Variants in CCDC88C observed in about 807,000 individuals in gnomAD.
CCDC88C encodes the protein coiled-coil and HOOK domain protein 88C.
A neutral mutation model predicts 198.8 loss-of-function variants in CCDC88C; 131 were observed. The observed-to-expected ratio is 0.66, with a 90% CI of 0.57 to 0.76. The LOEUF (loss-of-function observed/expected upper bound fraction) is 0.76, where lower values mean the gene tolerates loss of function less well. Ranked by LOEUF, CCDC88C falls within the 30% of genes least tolerant of loss-of-function variation. The probability of loss-of-function intolerance (pLI) is 0.00; values close to 1 mark genes in which losing one functional copy is unlikely to be tolerated. For missense variants in CCDC88C, 2,553 were observed against 2,631.6 expected (o/e 0.97, Z 0.65); for synonymous variants, 1,166 against 1,114.7 (o/e 1.05, Z -0.92).
intron 10 of CCDC88C, among the ~76,000 whole-genome samples, chr14:91,331,919 T>C (rs1056232800): frequency 4.0e-5 from 6 of 150,850 alleles, no homozygotes; most frequent in Non-Finnish European, 7.4e-5. Context: ...GGTCTCTGCC[T>C]CTGGGTGTAG....
Position 91,338,971 on chromosome 14 carries a change from GT to G in CCDC88C, c.809+306del, listed in dbSNP as rs915462079. 1.5e-4 allele frequency: 79 copies of G among 512,642 alleles called. No individual in the cohort carries two copies. The highest frequency in any genetic ancestry group is 1.5e-3 in the African/African-American group (79 of 52,198). 31.8% of individuals were successfully genotyped at this position (512,642 alleles called of 1,614,324 possible). ...CCCTCCAGCCAAGAAAACACATCAG[GT>G]GTGGTCGTCCCGGCCCCAAGCTGGA... On this transcript the variant is annotated intron_variant, in intron 8 of 29. Coordinates refer to ENST00000389857, the MANE Select transcript of CCDC88C (RefSeq NM_001080414.4). This position sits in a 1 kb window ranked among gnomAD's most constrained non-coding sequence, Gnocchi z 4.8.
rs1887083340 is a variant in CCDC88C, at chr14:91,416,805, G to A, written c.94C>T (p.Gln32Ter). The A allele has an allele frequency of 6.2e-7, 1 of 1,613,564 alleles. No individual in the cohort carries two copies. Among genetic ancestry groups the A allele is most frequent in the African/African-American group, 1.3e-5 (1 of 74,934 alleles). The change falls in exon 2 of 30, where the codon CAG (glutamine) becomes TAG (stop). Residue 32 changes from glutamine (Q) to a stop codon, truncating the protein, a stop_gained. Coordinates refer to ENST00000389857, the MANE Select transcript of CCDC88C (RefSeq NM_001080414.4). LOFTEE classifies it high-confidence loss of function. ...KTFGPFGSGSQDNLTMYMDLV... is the reference protein window; with the variant it reads ...KTFGPFGSGS ...TCCATGTACATAGTCAGGTTGTCCTGGCTGCCGCTTCCAAACGGGCCAAAA... is the reference window on the plus strand; with the variant it reads ...TCCATGTACATAGTCAGGTTGTCCTAGCTGCCGCTTCCAAACGGGCCAAAA...
rs1886317302 is a variant in CCDC88C at position 91,403,310 on chromosome 14, C to A, written c.270+5349G>T. Among the ~76,000 whole-genome samples the A allele has an allele frequency of 3.3e-5, 5 of 152,212 alleles. No homozygotes were observed. The South Asian group carries it at 8.3e-4, about 25-fold the overall frequency. On this transcript the variant is annotated intron_variant, in intron 3 of 29. Transcript: ENST00000389857. ...CGATGACAAAGACATACGTCTCCAA[C>A]AACACACAGGGAATGTATCCAGGCC...
intron 12 of CCDC88C, among the ~76,000 whole-genome samples, chr14:91,323,152 C>T (rs1350412696): frequency 5.9e-5 from 9 of 152,120 alleles, no homozygotes; most frequent in Non-Finnish European, 1.0e-4. Context: ...GTGATCTGCC[C>T]GCCTTAATCT....
At chr14:91,306,939 G>A in intron 18 of CCDC88C, 99 bp downstream of exon 18, 1 of 1,288,218 alleles carries the variant, frequency 7.8e-7, no homozygotes, top group Non-Finnish European at 1.1e-6. Context: ...TAAATCTCCT[G>A]TGTTCTTTAC....
chr14:91,416,526 AT>A (rs1887063142), intron 2 of CCDC88C, among the ~76,000 whole-genome samples: 1 of 152,122 alleles, frequency 6.6e-6, no homozygotes, highest in African/African-American at 2.4e-5. Flanking sequence ...AATTTCCTTC[AT>A]CAAACCAACT....
intron 6 of CCDC88C, 92 bp downstream of exon 6, chr14:91,342,288 T>C: frequency 1.4e-6 from 1 of 736,810 alleles, no homozygotes. Flanking sequence ...GATGTATTCT[T>C]CAAACGTTTC....
intron 3 of CCDC88C, among the ~76,000 whole-genome samples, chr14:91,367,080 G>A (rs1222250639): frequency 1.3e-5 from 2 of 152,198 alleles, no homozygotes; most frequent in Non-Finnish European, 2.9e-5. Context: ...GAAATGGGAA[G>A]AATTATTTTT....
At chr14:91,336,879 C>T (rs952451353) in intron 10 of CCDC88C, among the ~76,000 whole-genome samples, 6 of 152,242 alleles carry the variant, frequency 3.9e-5, no homozygotes, top group East Asian at 3.9e-4. Context: ...CAGCCTTCCC[C>T]GGCAAGCCCG....
At chr14:91,322,460 C>G (rs991493112) in intron 12 of CCDC88C, among the ~76,000 whole-genome samples, 1 of 151,576 alleles carries the variant, frequency 6.6e-6, no homozygotes, top group Admixed American at 6.6e-5. Flanking sequence ...CCAGCACTGA[C>G]ACACACATAA....
intron 10 of CCDC88C, among the ~76,000 whole-genome samples, chr14:91,329,900 C>T (rs186068566): frequency 6.6e-6 from 1 of 152,358 alleles, no homozygotes; most frequent in East Asian, 1.9e-4. Flanking sequence ...TGTGAAGGCC[C>T]AGTCAGGCAA....
intron 4 of CCDC88C, among the ~76,000 whole-genome samples, chr14:91,353,208 G>A (rs1893892081): frequency 6.6e-6 from 1 of 152,150 alleles, no homozygotes; most frequent in South Asian, 2.1e-4. Flanking sequence ...TGATCCTCAT[G>A]AGACTTCCAG....
rs1469988530 is a variant in CCDC88C at position 91,324,845 on chromosome 14, T to C, written c.1276A>G (p.Met426Val). The C allele has an allele frequency of 1.2e-6, 2 of 1,613,796 alleles. No homozygotes were observed. Among genetic ancestry groups the C allele is most frequent in the South Asian group, 1.1e-5 (1 of 91,090 alleles). The change falls in exon 12 of 30, where the codon ATG becomes GTG. Residue 426 changes from methionine (M) to valine (V), a missense_variant. Physicochemically the swap from Met to Val is conservative, Grantham distance 21. Coordinates refer to ENST00000389857, the MANE Select transcript of CCDC88C (RefSeq NM_001080414.4). ...CAGCCAAGGTGGGCAGATTCGTTCA[T>C]GCTCTGCTTCTGTGCAATCTCAAGG... ...MVLEIAQKQS[M>V]NESAHLGWEL...
chr14:91,308,705 G>A (rs1280781478), intron 16 of CCDC88C, among the ~76,000 whole-genome samples: 8 of 152,114 alleles, frequency 5.3e-5, no homozygotes, highest in Admixed American at 1.3e-4. Flanking sequence ...CTTCAAAGGC[G>A]ACACCACGGC....
intron 4 of CCDC88C, among the ~76,000 whole-genome samples, chr14:91,357,814 G>T (rs936868287): frequency 6.6e-6 from 1 of 152,184 alleles, no homozygotes; most frequent in East Asian, 1.9e-4. Context: ...TGCATCTGGC[G>T]TCCCCGCCCT....
chr14:91,277,508 T>C (rs2139717846), intron 29 of CCDC88C, among the ~76,000 whole-genome samples: 1 of 152,340 alleles, frequency 6.6e-6, no homozygotes, highest in East Asian at 1.9e-4. Context: ...CAACAGAGAC[T>C]GTGAGACCCA....
intron 29 of CCDC88C, among the ~76,000 whole-genome samples, chr14:91,276,949 A>G (rs1185558232): frequency 6.6e-6 from 1 of 152,222 alleles, no homozygotes; most frequent in Non-Finnish European, 1.5e-5. Context: ...ATCCTGTGAG[A>G]ATAGTTGCTA....
intron 3 of CCDC88C, among the ~76,000 whole-genome samples, chr14:91,373,801 G>C (rs530143185): frequency 2.7e-4 from 41 of 152,176 alleles, no homozygotes; most frequent in Non-Finnish European, 4.9e-4. Flanking sequence ...TGTCCAAGTT[G>C]GGGGGTGGGC....
At chr14:91,404,007 G>A (rs1352260403) in intron 3 of CCDC88C, among the ~76,000 whole-genome samples, 1 of 152,262 alleles carries the variant, frequency 6.6e-6, no homozygotes, top group East Asian at 1.9e-4. Context: ...AAGCATCGGA[G>A]GACACAGGGT....
Sources: gnomAD v4.1 joint callset for allele counts (sites outside exome capture counted in the v4.1 genomes callset) on GRCh38, gnomAD v4.1.1 for gene constraint, Gnocchi (gnomAD v3.1) non-coding constraint, MANE v1.5 for transcripts, NCBI Gene and HGNC (gene_info 2026-07-23, HGNC 2026-07-21) for gene names.